NBEA: variants seen among roughly 807,000 people sequenced by gnomAD.
The protein encoded by NBEA is lysosomal-trafficking regulator 2.
Under a neutral mutation model 343.4 loss-of-function variants are expected in NBEA, and 44 were observed. The ratio of observed to expected loss-of-function variants is 0.13; its 90% CI spans 0.10 to 0.16. NBEA has a LOEUF of 0.16. Ranked by LOEUF, NBEA falls within the 10% of genes least tolerant of loss-of-function variation. The probability of loss-of-function intolerance (pLI) is 1.00; values close to 1 mark genes in which losing one functional copy is unlikely to be tolerated. For missense variants in NBEA, 2,555 were observed against 3,631.3 expected (o/e 0.70, Z 7.62); for synonymous variants, 1,175 against 1,238.7 (o/e 0.95, Z 1.08).
At chr13:34,964,464 A>G (rs898393691) in intron 1 of NBEA, among the ~76,000 whole-genome samples, 1 of 151,944 alleles carries the variant, frequency 6.6e-6, no homozygotes. Flanking sequence ...ATAATAAACT[A>G]CTACACTTAT....
chr13:35,668,713 A>G (rs2085469582), intron 58 of NBEA, among the ~76,000 whole-genome samples, 194 bp downstream of exon 58: 1 of 152,180 alleles, frequency 6.6e-6, no homozygotes, highest in Non-Finnish European at 1.5e-5. Context: ...AATAAGAAGG[A>G]AAAAAAGAAA....
intron 34 of NBEA, among the ~76,000 whole-genome samples, chr13:35,282,240 T>A (rs979284283): frequency 6.6e-6 from 1 of 152,110 alleles, no homozygotes; most frequent in African/African-American, 2.4e-5. Flanking sequence ...ATGGAAGCAT[T>A]ACTATAGCCA....
At chr13:35,615,129 C>CAAAAAAAAAAAAAAAA (rs34475826) in intron 48 of NBEA, among the ~76,000 whole-genome samples, 7 of 110,982 alleles carry the variant, frequency 6.3e-5, no homozygotes, top group African/African-American at 1.0e-4. Flanking sequence ...ACTAAAAATA[C>CAAAAAAAAAAAAAAAA]AAAAAAAAAA....
chr13:35,322,336 C>T (rs2038214633), intron 36 of NBEA, among the ~76,000 whole-genome samples: 1 of 152,146 alleles, frequency 6.6e-6, no homozygotes, highest in South Asian at 2.1e-4. Flanking sequence ...TCACGGCTTC[C>T]CTTGGCTAGG....
intron 34 of NBEA, among the ~76,000 whole-genome samples, chr13:35,254,942 G>A (rs2032416080): frequency 6.6e-6 from 1 of 151,508 alleles, no homozygotes; most frequent in Non-Finnish European, 1.5e-5. Context: ...TTTCTCCATA[G>A]GGAAGTATTA....
At chr13:35,279,053 G>A (rs143281226) in intron 34 of NBEA, among the ~76,000 whole-genome samples, 17 of 152,122 alleles carry the variant, frequency 1.1e-4, no homozygotes, top group African/African-American at 3.6e-4. Context: ...ACAGAAGGTG[G>A]GCCAGCTCTG....
chr13:35,433,219 T>C (rs1042094655), intron 39 of NBEA, among the ~76,000 whole-genome samples: 3 of 152,144 alleles, frequency 2.0e-5, no homozygotes, highest in Non-Finnish European at 4.4e-5. Flanking sequence ...GAACATTTGG[T>C]CTACTTGCCC....
At chr13:35,192,612 T>C (rs915372433) in intron 30 of NBEA, among the ~76,000 whole-genome samples, 3 of 152,016 alleles carry the variant, frequency 2.0e-5, no homozygotes, top group African/African-American at 7.2e-5. Context: ...ATTTGATTTC[T>C]AGAAACTTCT....
intron 51 of NBEA, among the ~76,000 whole-genome samples, chr13:35,648,597 C>T (rs1330495447): frequency 6.6e-6 from 1 of 152,074 alleles, no homozygotes; most frequent in African/African-American, 2.4e-5. Flanking sequence ...TATAAAGAAA[C>T]TCTAAGCTTT....
chr13:35,069,158 A>G (rs769409341), intron 8 of NBEA, among the ~76,000 whole-genome samples: 9 of 152,154 alleles, frequency 5.9e-5, no homozygotes, highest in Non-Finnish European at 1.2e-4. Flanking sequence ...GGCCCCTTCT[A>G]CATCTTAATT....
At chr13:35,076,659 T>G (rs1212716800) in intron 10 of NBEA, among the ~76,000 whole-genome samples, 5 of 152,058 alleles carry the variant, frequency 3.3e-5, no homozygotes, top group Admixed American at 1.3e-4. Context: ...AAAAGGCACC[T>G]TTTTGGCAAT....
At chr13:35,406,283 G>A (rs2043262382) in intron 38 of NBEA, among the ~76,000 whole-genome samples, 1 of 137,460 alleles carries the variant, frequency 7.3e-6, no homozygotes, top group Non-Finnish European at 1.5e-5. Context: ...ACCTTCCATT[G>A]ACCTCAGCCA....
Position 34,942,811 on chromosome 13 carries a change from A to AG in NBEA, c.-4dup, listed in dbSNP as rs2059069233. The AG allele has an allele frequency of 1.5e-6, 2 of 1,343,374 alleles. No homozygotes were observed. The highest frequency in any genetic ancestry group is 9.6e-7 in the Non-Finnish European group (1 of 1,046,096). 83.2% of individuals were successfully genotyped at this position (1,343,374 alleles called of 1,614,324 possible). A position where few individuals can be genotyped will look rare whatever the true frequency, so the allele number is the denominator to read the frequency against. On this transcript the variant is annotated 5_prime_UTR_variant, in exon 1 of 59. Transcript: ENST00000379939. ...CCGCTGCTCTTCCCTTCTCCTCAGGAGGGGGGCCAATGGCTAGCGAGAAGC... is the reference window on the plus strand; with the variant it reads ...CCGCTGCTCTTCCCTTCTCCTCAGGAGGGGGGGCCAATGGCTAGCGAGAAGC...
intron 38 of NBEA, among the ~76,000 whole-genome samples, chr13:35,402,916 C>T (rs1186430353): frequency 6.6e-6 from 1 of 151,972 alleles, no homozygotes; most frequent in African/African-American, 2.4e-5. Context: ...ATAATTCCCT[C>T]CTACAAAAGA....
At chr13:35,368,366 T>G (rs2152880862) in intron 38 of NBEA, among the ~76,000 whole-genome samples, 1 of 151,662 alleles carries the variant, frequency 6.6e-6, no homozygotes, top group East Asian at 1.9e-4. Context: ...TCTCAGCCTT[T>G]TTGTGACTGG....
intron 41 of NBEA, among the ~76,000 whole-genome samples, chr13:35,544,244 C>G (rs570545169): frequency 2.6e-5 from 4 of 152,022 alleles, no homozygotes; most frequent in Admixed American, 2.6e-4. Context: ...TTCAACAATT[C>G]GTAACAGGAA....
At chr13:34,947,429 T>C (rs1342394966) in intron 1 of NBEA, among the ~76,000 whole-genome samples, 3 of 152,202 alleles carry the variant, frequency 2.0e-5, no homozygotes, top group Admixed American at 6.5e-5. Context: ...TTATTGGGTC[T>C]AACAGACCCA....
chr13:35,475,274 AC>A (rs1466858068), intron 41 of NBEA: 1 of 1,612,384 alleles, frequency 6.2e-7, no homozygotes, highest in Non-Finnish European at 8.5e-7. Flanking sequence ...TCCCAGTCCG[AC>A]TCTCGGGGAT....
At chr13:35,366,225 G>A (rs1215703466) in intron 38 of NBEA, among the ~76,000 whole-genome samples, 1 of 151,406 alleles carries the variant, frequency 6.6e-6, no homozygotes, top group African/African-American at 2.4e-5. Context: ...ACATCAAAAT[G>A]TAATGATTGT....
Sources: gnomAD v4.1 joint callset for allele counts (sites outside exome capture counted in the v4.1 genomes callset) on GRCh38, gnomAD v4.1.1 for gene constraint, MANE v1.5 for transcripts, NCBI Gene and HGNC (gene_info 2026-07-23, HGNC 2026-07-21) for gene names.